PHACTR2: variants seen among roughly 807,000 people sequenced by gnomAD.
PHACTR2 encodes the protein phosphatase and actin regulator 2.
A neutral mutation model predicts 76.0 loss-of-function variants in PHACTR2; 30 were observed. The observed-to-expected ratio is 0.39, with a 90% CI of 0.30 to 0.54. The LOEUF is 0.54. Among genes scored for constraint, PHACTR2 ranks in the 20% least tolerant of loss-of-function variants. The pLI, the probability that PHACTR2 is intolerant of heterozygous loss-of-function variation, is 0.61. For missense variants in PHACTR2, 696 were observed against 781.1 expected, an observed-to-expected ratio of 0.89 and a Z score of 1.30; for synonymous variants, 292 against 292.5, an observed-to-expected ratio of 1.00 and a Z score of 0.02.
At position 143,820,140 on chromosome 6, in the gene PHACTR2, T is replaced by TC. The variant is rs1188232362; in HGVS notation, c.1923-3531dup. 6.6e-6 allele frequency among the ~76,000 whole-genome samples: 1 copy of TC among 151,930 alleles called. No homozygotes were observed. The highest frequency in any genetic ancestry group is 1.9e-4 in the East Asian group (1 of 5,174). On this transcript the variant is annotated intron_variant, in intron 12 of 12. Coordinates refer to ENST00000440869, the MANE Select transcript of PHACTR2 (RefSeq NM_001100164.2). The surrounding 1 kb of genome is among the most constrained non-coding windows in gnomAD (Gnocchi z 4.2). ...GATCCACCCCCAGGACCCAAACACC[T>TC]CCCAGCCCCACCTCCAGCATTGGGG...
rs979733843 is a variant in PHACTR2 at position 143,761,486 on chromosome 6, G to A, written c.694+846G>A. ...GACATTAATCAGGCCAGGCCCAGTG[G>A]CTCACACCCGTAATCCCAGCACTTT... On this transcript the variant is annotated intron_variant, in intron 5 of 12. Transcript: ENST00000440869. This position sits in a 1 kb window ranked among gnomAD's most constrained non-coding sequence, Gnocchi z 5.2. Among the ~76,000 whole-genome samples the A allele has an allele frequency of 6.6e-6, 1 of 152,164 alleles. No individual in the cohort carries two copies. The highest frequency in any genetic ancestry group is 2.4e-5 in the African/African-American group (1 of 41,438).
rs1446802701 is a variant in PHACTR2 at position 143,761,373 on chromosome 6, A to G, written c.694+733A>G. Among the ~76,000 whole-genome samples, 1 of 152,210 alleles carries G rather than the reference A, an allele frequency of 6.6e-6. No homozygotes were observed. Among genetic ancestry groups the G allele is most frequent in the African/African-American group, 2.4e-5 (1 of 41,448 alleles). On this transcript the variant is annotated intron_variant, in intron 5 of 12. Coordinates refer to ENST00000440869, the MANE Select transcript of PHACTR2 (RefSeq NM_001100164.2). The surrounding 1 kb of genome is among the most constrained non-coding windows in gnomAD (Gnocchi z 5.2). ...AATATGTATCCAGCTTTGCTTTACAATCAGATATGCTTGATGCAAAGTGGA... is the reference window on the plus strand; with the variant it reads ...AATATGTATCCAGCTTTGCTTTACAGTCAGATATGCTTGATGCAAAGTGGA...
At chr6:143,748,476 G>A (rs1779117600) in intron 2 of PHACTR2, among the ~76,000 whole-genome samples, 1 of 152,198 alleles carries the variant, frequency 6.6e-6, no homozygotes, top group Admixed American at 6.5e-5. Context: ...AAGAGTTATA[G>A]AAATATGATG....
rs559295195 is a variant in PHACTR2, at chr6:143,789,754, C to T, written c.1845+844C>T. Among the ~76,000 whole-genome samples the T allele has an allele frequency of 6.6e-6, 1 of 152,184 alleles. No homozygotes were observed. Among genetic ancestry groups the T allele is most frequent in the East Asian group, 1.9e-4 (1 of 5,186 alleles). On this transcript the variant is annotated intron_variant, in intron 11 of 12. Coordinates refer to ENST00000440869, the MANE Select transcript of PHACTR2 (RefSeq NM_001100164.2). The surrounding 1 kb of genome is among the most constrained non-coding windows in gnomAD (Gnocchi z 5.1). The stretch of plus-strand genomic sequence containing the variant: ...CATTTAATCATGCTCTGTGCTGACT[C>T]TTTTTAATAGGAAGCTTCATTATTT...
At chr6:143,737,140 T>C (rs1471888210) in intron 2 of PHACTR2, among the ~76,000 whole-genome samples, 3 of 151,606 alleles carry the variant, frequency 2.0e-5, no homozygotes, top group Non-Finnish European at 4.4e-5. Flanking sequence ...ATAGGAATGA[T>C]ATTTATTTTA....
chr6:143,700,648 C>T lies in PHACTR2; in HGVS notation c.47-11368C>T, dbSNP rs964479886. The stretch of plus-strand genomic sequence containing the variant: ...TATATAAGGTCTACCAGCTTCTCCC[C>T]TAAAGTTCTGTGCTGACGCACATTC... On this transcript the variant is annotated intron_variant, in intron 1 of 12. Transcript: ENST00000440869. The surrounding 1 kb of genome is among the most constrained non-coding windows in gnomAD (Gnocchi z 4.1). Among the ~76,000 whole-genome samples the T allele has an allele frequency of 1.3e-5, 2 of 152,248 alleles. No homozygotes were observed. The highest frequency in any genetic ancestry group is 1.5e-5 in the Non-Finnish European group (1 of 68,048).
chr6:143,770,630 T>C (rs1443242810), intron 6 of PHACTR2, among the ~76,000 whole-genome samples: 1 of 152,232 alleles, frequency 6.6e-6, no homozygotes. Context: ...CTCAGGTTTA[T>C]AACTATGAAG....
Position 143,650,319 on chromosome 6 carries a change from C to T in PHACTR2, c.13+41997C>T, listed in dbSNP as rs544018067. ...CCATTAAACTGCCATCGACAATCTT[C>T]ACAGAATTAGAAAAATCTATGTTAA... On this transcript the variant is annotated intron_variant, in intron 1 of 11. Transcript: ENST00000305766. Among the ~76,000 whole-genome samples the T allele has an allele frequency of 2.0e-5, 3 of 152,242 alleles. No homozygotes were observed. The East Asian group carries it at 5.8e-4, about 29-fold the overall frequency.
In PHACTR2 at chr6:143,765,539, G is replaced by C. The variant is rs778567223; in HGVS notation, c.973G>C (p.Glu325Gln). 59 of 1,614,240 alleles carry C rather than the reference G, an allele frequency of 3.7e-5. No individual in the cohort carries two copies. Among genetic ancestry groups the C allele is most frequent in the Non-Finnish European group, 4.8e-5 (57 of 1,180,052 alleles). ...KLEQTVPGAE[E>Q]QNTGKFKSMV... is the part of the protein sequence containing the mutation. ...CGAACAGACTGTCCCTGGAGCTGAG[G>C]AGCAGAACACAGGCAAATTCAAGTC... The change falls in exon 6 of 13, where the codon GAG (glutamate) becomes CAG (glutamine). Residue 325 changes from glutamate to glutamine, a missense_variant. Around this residue, in one of 2 missense-constraint regions of PHACTR2, gnomAD observed 460 missense variants for 450.9 expected, o/e 1.02. Coordinates refer to ENST00000440869, the MANE Select transcript of PHACTR2 (RefSeq NM_001100164.2). This position sits in a 1 kb window ranked among gnomAD's most constrained non-coding sequence, Gnocchi z 4.1.
chr6:143,785,731 C>T (rs1019664764), intron 10 of PHACTR2, among the ~76,000 whole-genome samples: 1 of 152,220 alleles, frequency 6.6e-6, no homozygotes, highest in Non-Finnish European at 1.5e-5. Context: ...CTTCTTTTCA[C>T]CCACAAGCTC....
At chr6:143,586,284 C>G (rs1186154096) in intron 1 of PHACTR2, among the ~76,000 whole-genome samples, 1 of 152,190 alleles carries the variant, frequency 6.6e-6, no homozygotes, top group African/African-American at 2.4e-5. Context: ...TCTTATTTTT[C>G]TACGAAACCA....
rs962320370 is a variant in PHACTR2 at position 143,646,165 on chromosome 6, G to T, written c.13+37843G>T. Among the ~76,000 whole-genome samples the T allele has an allele frequency of 6.6e-6, 1 of 152,116 alleles. No individual in the cohort carries two copies. The highest frequency in any genetic ancestry group is 6.6e-5 in the Admixed American group (1 of 15,264). Reference sequence around the variant, plus strand: ...AGCATCTCTTATGTCTGAGGTCATAGGCTGGGTACAAGAGAGGTATAAATT... The same window carrying T: ...AGCATCTCTTATGTCTGAGGTCATATGCTGGGTACAAGAGAGGTATAAATT... On this transcript the variant is annotated intron_variant, in intron 1 of 11. Transcript: ENST00000305766. This position sits in a 1 kb window ranked among gnomAD's most constrained non-coding sequence, Gnocchi z 4.1.
Position 143,700,800 on chromosome 6 carries a change from C to A in PHACTR2, c.47-11216C>A, listed in dbSNP as rs1269397816. ...ACAAACACAGCACACACTCTACACACCATGACCTGCTCCACTTCAGACTCC... is the reference window on the plus strand; with the variant it reads ...ACAAACACAGCACACACTCTACACAACATGACCTGCTCCACTTCAGACTCC... On this transcript the variant is annotated intron_variant, in intron 1 of 12. Transcript: ENST00000440869. This position sits in a 1 kb window ranked among gnomAD's most constrained non-coding sequence, Gnocchi z 4.1. Among the ~76,000 whole-genome samples the A allele has an allele frequency of 5.3e-5, 8 of 152,246 alleles. No homozygotes were observed.
intron 1 of PHACTR2, among the ~76,000 whole-genome samples, chr6:143,565,718 A>C (rs12210250): frequency 0.34 from 51,349 of 151,816 alleles, 9,420 homozygotes; most frequent in Non-Finnish European, 0.41. Context: ...CCTGGAGCAG[A>C]AAACCAGTGG....
chr6:143,713,598 C>T (rs996165102), intron 2 of PHACTR2, among the ~76,000 whole-genome samples: 2 of 152,130 alleles, frequency 1.3e-5, no homozygotes, highest in South Asian at 2.1e-4. Flanking sequence ...TGAGGACACC[C>T]GGCTGGGTGA....
At chr6:143,640,069 G>C (rs555033620) in intron 1 of PHACTR2, among the ~76,000 whole-genome samples, 1 of 152,286 alleles carries the variant, frequency 6.6e-6, no homozygotes, top group Middle Eastern at 3.4e-3. Flanking sequence ...TGATGTCACA[G>C]TTGTTGTGCT....
chr6:143,628,924 GATATATATATATATATATAT>G (rs71024862), intron 1 of PHACTR2, among the ~76,000 whole-genome samples: 767 of 33,970 alleles, frequency 0.023, 15 homozygotes, highest in Middle Eastern at 0.034. Context: ...AAATGCAGGA[GATATATATATATATATATAT>G]ATATATATAT....
chr6:143,538,757 C>T (rs1781143060), intron 1 of PHACTR2, among the ~76,000 whole-genome samples: 1 of 152,204 alleles, frequency 6.6e-6, no homozygotes, highest in African/African-American at 2.4e-5. Flanking sequence ...GTTTTTGCCG[C>T]CCAACATGTG....
rs1312835437 is a variant in PHACTR2, at chr6:143,539,391, C to G, written c.217+2184C>G. Among the ~76,000 whole-genome samples, 2 of 152,202 alleles carry G rather than the reference C, an allele frequency of 1.3e-5. No homozygotes were observed. The highest frequency in any genetic ancestry group is 4.8e-5 in the African/African-American group (2 of 41,434). On this transcript the variant is annotated intron_variant, in intron 1 of 11. Transcript: ENST00000367584. The surrounding 1 kb of genome is among the most constrained non-coding windows in gnomAD (Gnocchi z 4.3). ...AGAGCAGACTAAATGTGATCAGGAG[C>G]TCCCTGCTCTTAGAGTCAGAGAGAA...
Sources: allele counts gnomAD v4.1 joint callset (sites outside exome capture counted in the v4.1 genomes callset), GRCh38; gene constraint gnomAD v4.1.1; regional missense constraint gnomAD v4.1.1; non-coding constraint Gnocchi (gnomAD v3.1); transcripts MANE v1.5; gene names NCBI Gene and HGNC (gene_info 2026-07-23, HGNC 2026-07-21).